Variants in MAP3K13 observed in about 807,000 individuals in gnomAD.
The protein encoded by MAP3K13 is mitogen-activated protein kinase kinase kinase 13.
In MAP3K13, 52 loss-of-function variants were observed where a neutral mutation model predicts 104.0. The ratio of observed to expected loss-of-function variants is 0.50; its 90% CI spans 0.40 to 0.63. The LOEUF (loss-of-function observed/expected upper bound fraction) is 0.63, where lower values mean the gene tolerates loss of function less well. Among genes scored for constraint, MAP3K13 ranks in the 20% least tolerant of loss-of-function variants. The pLI is 0.00. For synonymous variants in MAP3K13, 394 were observed against 442.2 expected (o/e 0.89, Z 1.37); for missense variants, 914 against 1,218.5 (o/e 0.75, Z 3.72).
chr3:185,473,017 G>A lies in MAP3K13; in HGVS notation c.1686G>A (p.Val562=). 6.2e-7 allele frequency: 1 copy of A among 1,614,094 alleles called. No individual in the cohort carries two copies. The highest frequency in any genetic ancestry group is 8.5e-7 in the Non-Finnish European group (1 of 1,180,032). Residue 562 remains valine (V), a synonymous_variant, in exon 11 of 14, where the codon GTG becomes GTA. Transcript: ENST00000265026. The surrounding 1 kb of genome is among the most constrained non-coding windows in gnomAD (Gnocchi z 4.9). ...CAGAAGGGATCCCCACCACAGAAGT[G>A]GCTCCCACTGCATCCCCTTTGTCCG... ...LRSEGIPTTE[V]APTASPLSGS...
At chr3:185,316,543 A>G in intron 2 of MAP3K13, among the ~76,000 whole-genome samples, 1 of 152,188 alleles carries the variant, frequency 6.6e-6, no homozygotes, top group East Asian at 1.9e-4. Context: ...TGGGAGGCTG[A>G]GGCAGGAGGT....
chr3:185,311,808 G>A (rs1368633304), intron 2 of MAP3K13, among the ~76,000 whole-genome samples: 1 of 152,082 alleles, frequency 6.6e-6, no homozygotes, highest in Non-Finnish European at 1.5e-5. Context: ...CTACAAAAAT[G>A]TTCATTGCAT....
intron 2 of MAP3K13, among the ~76,000 whole-genome samples, chr3:185,322,613 A>T (rs1241743226): frequency 6.6e-6 from 1 of 152,152 alleles, no homozygotes; most frequent in Admixed American, 6.5e-5. Flanking sequence ...CTGTTCTCTC[A>T]TACTGTGTAT....
chr3:185,326,728 G>C (rs1722052795), intron 2 of MAP3K13, among the ~76,000 whole-genome samples: 1 of 152,048 alleles, frequency 6.6e-6, no homozygotes, highest in Non-Finnish European at 1.5e-5. Flanking sequence ...AAAAAAAAAT[G>C]AGGGTACAGC....
chr3:185,283,267 A>C (rs144968974), intron 1 of MAP3K13: 1 of 152,494 alleles, frequency 6.6e-6, no homozygotes, highest in East Asian at 1.9e-4. Flanking sequence ...TGAGTCTTCT[A>C]GGAATCAGAC....
intron 2 of MAP3K13, among the ~76,000 whole-genome samples, chr3:185,311,924 A>C (rs969609577): frequency 6.6e-6 from 1 of 152,248 alleles, no homozygotes; most frequent in African/African-American, 2.4e-5. Context: ...AAATTTAACA[A>C]TGAATTATAG....
At chr3:185,321,187 A>G (rs1721853407) in intron 2 of MAP3K13, among the ~76,000 whole-genome samples, 3 of 149,362 alleles carry the variant, frequency 2.0e-5, no homozygotes, top group Admixed American at 2.0e-4. Context: ...ACATATACAC[A>G]TGTGTATATT....
At chr3:185,314,830 G>A (rs773047750) in intron 2 of MAP3K13, among the ~76,000 whole-genome samples, 1 of 152,014 alleles carries the variant, frequency 6.6e-6, no homozygotes, top group Non-Finnish European at 1.5e-5. Flanking sequence ...TGTAGAGATG[G>A]GGGTCTCATC....
In MAP3K13 at chr3:185,418,754, A is replaced by G; in HGVS notation, c.-85-9743A>G. 4.4e-6 allele frequency: 7 copies of G among 1,608,666 alleles called. No individual in the cohort carries two copies. Among genetic ancestry groups the G allele is most frequent in the East Asian group, 2.2e-5 (1 of 44,818 alleles). The stretch of plus-strand genomic sequence containing the variant: ...GACTCCCCCTTTTCGGAGTACACCG[A>G]TATCATTGGGCGAGCACACGCCATG... On this transcript the variant is annotated intron_variant, in intron 1 of 13. Transcript: ENST00000265026. The surrounding 1 kb of genome is among the most constrained non-coding windows in gnomAD (Gnocchi z 4.5).
intron 7 of MAP3K13, 40 bp downstream of exon 7, chr3:185,451,435 TA>T (rs765026252): frequency 7.5e-7 from 1 of 1,329,432 alleles, no homozygotes; most frequent in South Asian, 1.2e-5. Flanking sequence ...ACTAAACAGA[TA>T]GAGAACTCTC....
intron 1 of MAP3K13, among the ~76,000 whole-genome samples, chr3:185,413,377 A>G (rs190216272): frequency 6.6e-6 from 1 of 152,242 alleles, no homozygotes; most frequent in Non-Finnish European, 1.5e-5. Context: ...TATGGTTGCC[A>G]CTAGCCACAT....
At chr3:185,421,893 T>C (rs997610603) in intron 1 of MAP3K13, among the ~76,000 whole-genome samples, 3 of 152,234 alleles carry the variant, frequency 2.0e-5, no homozygotes, top group Non-Finnish European at 4.4e-5. Flanking sequence ...TCAGCTCTGA[T>C]CATATTTGAA....
chr3:185,337,419 A>G (rs1179384267), intron 2 of MAP3K13, among the ~76,000 whole-genome samples: 1 of 152,270 alleles, frequency 6.6e-6, no homozygotes, highest in African/African-American at 2.4e-5. Flanking sequence ...AACACAAAGT[A>G]AACACACGCT....
At chr3:185,460,554 T>C (rs1393884575) in intron 7 of MAP3K13, among the ~76,000 whole-genome samples, 2 of 152,218 alleles carry the variant, frequency 1.3e-5, no homozygotes, top group African/African-American at 4.8e-5. Flanking sequence ...GGCTGTGGGC[T>C]TGCCCATCCT....
intron 1 of MAP3K13, among the ~76,000 whole-genome samples, chr3:185,372,408 A>T (rs931282413): frequency 2.0e-5 from 3 of 152,228 alleles, no homozygotes; most frequent in Admixed American, 2.0e-4. Flanking sequence ...TAATGATTGA[A>T]GCTATGCCCC....
intron 2 of MAP3K13, among the ~76,000 whole-genome samples, chr3:185,288,576 T>C (rs1385872315): frequency 6.6e-6 from 1 of 150,796 alleles, no homozygotes; most frequent in African/African-American, 2.4e-5. Flanking sequence ...TAGGAAGTTA[T>C]TGAGTTAGTC....
rs1462810106 is a variant in MAP3K13 at position 185,404,325 on chromosome 3, G to A, written c.-85-24172G>A. ...ATTGTAAGAACAGATGAAGGTGTCA[G>A]CATTTCTCTAAGAGGAACTCTTTTG... On this transcript the variant is annotated intron_variant, in intron 1 of 13. Transcript: ENST00000265026. Among the ~76,000 whole-genome samples the A allele has an allele frequency of 3.9e-5, 6 of 152,218 alleles. No individual in the cohort carries two copies. In the East Asian group the frequency reaches 1.2e-3, roughly 29 times the overall value.
intron 10 of MAP3K13, 64 bp downstream of exon 10, chr3:185,467,027 C>G (rs931175216): frequency 1.9e-6 from 3 of 1,588,526 alleles, no homozygotes; most frequent in African/African-American, 1.3e-5. Context: ...CAAATCCATT[C>G]TCACATGATG....
rs900639949 is a variant in MAP3K13 at position 185,423,870 on chromosome 3, G to A, written c.-85-4627G>A. Among the ~76,000 whole-genome samples the A allele has an allele frequency of 1.1e-4, 16 of 152,184 alleles. No individual in the cohort carries two copies. The highest frequency in any genetic ancestry group is 3.4e-4 in the African/African-American group (14 of 41,520). On this transcript the variant is annotated intron_variant, in intron 1 of 13. Transcript: ENST00000265026. The surrounding 1 kb of genome is among the most constrained non-coding windows in gnomAD (Gnocchi z 4.1). The stretch of plus-strand genomic sequence containing the variant: ...CATCACGCACGCTCTGGTCATTCCC[G>A]CTTCCCTGCCTCTGCCAGTGCTCTT...
Sources: gnomAD v4.1 joint callset for allele counts (sites outside exome capture counted in the v4.1 genomes callset) on GRCh38, gnomAD v4.1.1 for gene constraint, Gnocchi (gnomAD v3.1) non-coding constraint, MANE v1.5 for transcripts, NCBI Gene and HGNC (gene_info 2026-07-23, HGNC 2026-07-21) for gene names.